Variants in GRM5 observed in about 807,000 individuals in gnomAD.
The protein encoded by GRM5 is glutamate metabotropic receptor 5.
GRM5 carries 19 observed loss-of-function variants against 83.1 expected under a neutral mutation model. The ratio of observed to expected loss-of-function variants is 0.23; its 90% CI spans 0.16 to 0.34. The LOEUF is 0.34. GRM5 is among the 10% of genes least tolerant of loss of function. GRM5 has a pLI of 1.00. For missense variants in GRM5, 1,160 were observed against 1,588.3 expected (o/e 0.73, Z 4.58); for synonymous variants, 675 against 633.6 (o/e 1.07, Z -0.98).
At chr11:88,812,026 T>C (rs1370190638) in intron 3 of GRM5, among the ~76,000 whole-genome samples, 1 of 152,204 alleles carries the variant, frequency 6.6e-6, no homozygotes, top group East Asian at 1.9e-4. Flanking sequence ...ATATTGTTAA[T>C]GTTTCTGCCT....
chr11:88,577,472 A>C (rs961826740), intron 7 of GRM5, among the ~76,000 whole-genome samples: 1 of 152,120 alleles, frequency 6.6e-6, no homozygotes, highest in Non-Finnish European at 1.5e-5. Context: ...TACACCATTC[A>C]TACCACTTGG....
chr11:88,776,798 T>G (rs377355124), intron 3 of GRM5, among the ~76,000 whole-genome samples: 2 of 152,212 alleles, frequency 1.3e-5, no homozygotes, highest in East Asian at 3.9e-4. Context: ...GGGTTTCTGC[T>G]GAGAGATCTG....
At chr11:88,566,920 G>A in intron 8 of GRM5, 133 bp downstream of exon 8, 2 of 617,506 alleles carry the variant, frequency 3.2e-6, no homozygotes, top group Non-Finnish European at 2.9e-6. Context: ...TTATGAGAAG[G>A]TCCATGCCGT....
At chr11:88,790,776 G>A (rs1189155741) in intron 3 of GRM5, among the ~76,000 whole-genome samples, 1 of 152,120 alleles carries the variant, frequency 6.6e-6, no homozygotes, top group Non-Finnish European at 1.5e-5. Flanking sequence ...AGTTTGGAAA[G>A]GTAAATCTGG....
At chr11:88,594,928 C>A (rs1937757801) in intron 6 of GRM5, among the ~76,000 whole-genome samples, 1 of 152,166 alleles carries the variant, frequency 6.6e-6, no homozygotes, top group South Asian at 2.1e-4. Context: ...TTCCTTACGG[C>A]ATTGCATACC....
At chr11:88,671,620 G>A (rs567818845) in intron 3 of GRM5, among the ~76,000 whole-genome samples, 1 of 152,088 alleles carries the variant, frequency 6.6e-6, no homozygotes, top group African/African-American at 2.4e-5. Context: ...TTACATGAAG[G>A]AAAATGAATA....
chr11:88,933,502 C>T (rs1430203576), intron 2 of GRM5, among the ~76,000 whole-genome samples: 1 of 151,780 alleles, frequency 6.6e-6, no homozygotes, highest in African/African-American at 2.4e-5. Flanking sequence ...TATGAATGTG[C>T]TACTCTTTGG....
Position 88,893,090 on chromosome 11 carries a change from C to T in GRM5, c.662-42935G>A, listed in dbSNP as rs1408249456. 2.7e-5 allele frequency among the ~76,000 whole-genome samples: 4 copies of T among 150,832 alleles called. No homozygotes were observed. In the Admixed American group the frequency reaches 2.7e-4, roughly 10 times the overall value. ...TGGAATATCAGACAGAGAGTTTCCA[C>T]TGCTGTAGTATTTTGCTTAATTATT... On this transcript the variant is annotated intron_variant, in intron 2 of 9. Transcript: ENST00000305447.
chr11:88,886,233 T>C (rs937698696), intron 2 of GRM5, among the ~76,000 whole-genome samples: 1 of 152,176 alleles, frequency 6.6e-6, no homozygotes, highest in Non-Finnish European at 1.5e-5. Flanking sequence ...CTCATATGTG[T>C]CTGTGTCCTA....
intron 2 of GRM5, among the ~76,000 whole-genome samples, chr11:88,923,345 T>G (rs1263799374): frequency 6.6e-6 from 1 of 152,140 alleles, no homozygotes; most frequent in East Asian, 1.9e-4. Context: ...GTAGCGCATA[T>G]ACACAAGATA....
chr11:89,057,755 A>G (rs1358316635), intron 1 of GRM5, among the ~76,000 whole-genome samples: 2 of 152,164 alleles, frequency 1.3e-5, no homozygotes, highest in African/African-American at 4.8e-5. Context: ...CATTATTTAT[A>G]TATTACATTA....
At chr11:88,631,775 G>A (rs1432484477) in intron 4 of GRM5, among the ~76,000 whole-genome samples, 1 of 152,120 alleles carries the variant, frequency 6.6e-6, no homozygotes, top group African/African-American at 2.4e-5. Context: ...TTAAAAGCAG[G>A]AGGAGAAGAA....
chr11:88,688,422 C>A (rs1370715737), intron 3 of GRM5, among the ~76,000 whole-genome samples: 1 of 152,050 alleles, frequency 6.6e-6, no homozygotes, highest in Non-Finnish European at 1.5e-5. Flanking sequence ...GATGCTTTGG[C>A]CCTATGAAGC....
intron 8 of GRM5, among the ~76,000 whole-genome samples, chr11:88,547,620 C>T (rs1942414186): frequency 6.6e-6 from 1 of 152,100 alleles, no homozygotes; most frequent in South Asian, 2.1e-4. Flanking sequence ...AATTCTATAC[C>T]TGATTCCATC....
chr11:88,576,412 G>A (rs1943110973), intron 7 of GRM5, among the ~76,000 whole-genome samples: 1 of 152,166 alleles, frequency 6.6e-6, no homozygotes, highest in Admixed American at 6.5e-5. Flanking sequence ...TTCTTTGCTT[G>A]TTGTATTTCT....
At chr11:88,924,134 C>CAAAA (rs59939060) in intron 2 of GRM5, among the ~76,000 whole-genome samples, 42,290 of 146,544 alleles carry the variant, frequency 0.29, 6,349 homozygotes, top group Non-Finnish European at 0.35. Context: ...TAGCTATAAT[C>CAAAA]AAAAAAAAAA....
At chr11:88,905,619 T>A (rs1386776712) in intron 2 of GRM5, among the ~76,000 whole-genome samples, 1 of 152,070 alleles carries the variant, frequency 6.6e-6, no homozygotes, top group Non-Finnish European at 1.5e-5. Flanking sequence ...TGGGATTACA[T>A]GCATGAGCCA....
intron 4 of GRM5, among the ~76,000 whole-genome samples, chr11:88,652,898 T>C (rs1297098487): frequency 2.0e-5 from 3 of 152,116 alleles, no homozygotes; most frequent in African/African-American, 7.2e-5. Flanking sequence ...ATGTGATGTT[T>C]TTAGCACAAT....
At chr11:88,822,852 T>G (rs1385048020) in intron 3 of GRM5, among the ~76,000 whole-genome samples, 1 of 152,030 alleles carries the variant, frequency 6.6e-6, no homozygotes, top group Non-Finnish European at 1.5e-5. Flanking sequence ...TCTGGAAATT[T>G]GAGGTATCTT....
Sources: gnomAD v4.1 joint callset for allele counts (sites outside exome capture counted in the v4.1 genomes callset) on GRCh38, gnomAD v4.1.1 for gene constraint, MANE v1.5 for transcripts, NCBI Gene and HGNC (gene_info 2026-07-23, HGNC 2026-07-21) for gene names.